The following HYDIN variants were observed in gnomAD, a reference collection of about 807,000 sequenced individuals.
HYDIN encodes the protein HYDIN axonemal central pair apparatus protein.
Under a neutral mutation model 403.9 loss-of-function variants are expected in HYDIN, and 132 were observed. That is an observed-to-expected ratio of 0.33 (90% CI 0.28 to 0.38). The LOEUF is 0.38. HYDIN is among the 10% of genes least tolerant of loss of function. HYDIN has a pLI of 1.00. For synonymous variants in HYDIN, 1,202 were observed against 1,891.7 expected (o/e 0.64, Z 9.46); for missense variants, 2,827 against 5,009.5 (o/e 0.56, Z 13.15).
chr16:70,863,205 A>G (rs2039520272), intron 67 of HYDIN, 23 bp from the exon 68 acceptor site: 1 of 1,607,696 alleles, frequency 6.2e-7, no homozygotes, highest in South Asian at 1.1e-5. Context: ...CAGGGAGCAG[A>G]TTTGAGAAAT....
chr16:70,950,715 A>C (rs2078039248), intron 41 of HYDIN, among the ~76,000 whole-genome samples: 1 of 150,874 alleles, frequency 6.6e-6, no homozygotes, highest in East Asian at 1.9e-4. Flanking sequence ...CACCTCCCCC[A>C]CTGTCCCTAT....
At chr16:70,970,957 G>C (rs2078714987) in intron 35 of HYDIN, among the ~76,000 whole-genome samples, 198 bp from the exon 36 acceptor site, 1 of 152,186 alleles carries the variant, frequency 6.6e-6, no homozygotes, top group Admixed American at 6.5e-5. Flanking sequence ...TGTACCAAGT[G>C]CTAGATATCA....
At chr16:70,981,174 T>C (rs2079033934) in intron 29 of HYDIN, among the ~76,000 whole-genome samples, 1 of 152,124 alleles carries the variant, frequency 6.6e-6, no homozygotes, top group Non-Finnish European at 1.5e-5. Context: ...AATTCAATAA[T>C]GGCCAAATTG....
intron 11 of HYDIN, among the ~76,000 whole-genome samples, chr16:71,089,535 C>T (rs943376334): frequency 4.6e-5 from 7 of 152,154 alleles, no homozygotes; most frequent in South Asian, 2.1e-4. Context: ...GTGTCAGGAA[C>T]GCGGAAGCTG....
chr16:71,011,209 G>C (rs1327754483), intron 23 of HYDIN, among the ~76,000 whole-genome samples: 1 of 152,020 alleles, frequency 6.6e-6, no homozygotes, highest in Non-Finnish European at 1.5e-5. Flanking sequence ...GGGAGTGCTT[G>C]GCATGTCTCA....
At chr16:71,108,407 C>T (rs1310175663) in intron 10 of HYDIN, among the ~76,000 whole-genome samples, 1 of 151,872 alleles carries the variant, frequency 6.6e-6, no homozygotes, top group Non-Finnish European at 1.5e-5. Context: ...GGGGAGGCTG[C>T]AGTGAGAGGA....
intron 10 of HYDIN, among the ~76,000 whole-genome samples, chr16:71,102,433 T>C (rs1011118232): frequency 3.3e-5 from 5 of 152,128 alleles, no homozygotes; most frequent in Admixed American, 2.0e-4. Context: ...GTTTATTATA[T>C]GGGTATTTCT....
At chr16:71,026,940 C>A (rs1426367472) in intron 20 of HYDIN, among the ~76,000 whole-genome samples, 4 of 152,118 alleles carry the variant, frequency 2.6e-5, no homozygotes, top group Non-Finnish European at 5.9e-5. Flanking sequence ...TGCATTTTGT[C>A]GGGAGGGAGA....
chr16:71,071,695 G>A (rs1264982534), intron 13 of HYDIN, among the ~76,000 whole-genome samples: 1 of 151,902 alleles, frequency 6.6e-6, no homozygotes, highest in Non-Finnish European at 1.5e-5. Context: ...GCAGAAACTA[G>A]CAGCGGAAGA....
intron 72 of HYDIN, 105 bp from the exon 73 acceptor site, chr16:70,855,380 C>T: frequency 1.6e-6 from 1 of 632,906 alleles, no homozygotes; most frequent in Non-Finnish European, 2.8e-6. Flanking sequence ...CATTCCCCAA[C>T]CTCTTCCGCC....
At chr16:71,133,328 T>C in intron 8 of HYDIN, 1 of 454,388 alleles carries the variant, frequency 2.2e-6, no homozygotes, top group Non-Finnish European at 4.4e-6. Flanking sequence ...AGTTAGCAAC[T>C]CTGTGATCAA....
chr16:71,150,731 C>T (rs2085504629), intron 7 of HYDIN, among the ~76,000 whole-genome samples: 1 of 152,084 alleles, frequency 6.6e-6, no homozygotes, highest in African/African-American at 2.4e-5. Flanking sequence ...AATTCAAACT[C>T]GCTGCTTATT....
chr16:71,079,988 G>C, intron 12 of HYDIN, 36 bp from the exon 13 acceptor site: 1 of 701,630 alleles, frequency 1.4e-6, no homozygotes, highest in African/African-American at 1.8e-5. Context: ...GAGAGGGAGA[G>C]AATCCAGTGA....
In HYDIN at chr16:70,938,744, T is replaced by C; in HGVS notation, c.6865A>G (p.Lys2289Glu). 1.2e-6 allele frequency: 2 copies of C among 1,614,158 alleles called. No homozygotes were observed. Among genetic ancestry groups the C allele is most frequent in the Non-Finnish European group, 1.7e-6 (2 of 1,180,036 alleles). Residue 2289 changes from lysine to glutamate, a missense_variant, in exon 44 of 86, where the codon AAG becomes GAG. By Grantham distance (56) the Lys-to-Glu change is moderately conservative. Transcript: ENST00000393567. Reference sequence around the variant, plus strand: ...TCCTTCTCTTTCTCAAGAGCTCCCTTGTGCTTGCGTTCTGTGAGGGGAACA... The same window carrying C: ...TCCTTCTCTTTCTCAAGAGCTCCCTCGTGCTTGCGTTCTGTGAGGGGAACA... Reference protein sequence around the residue: ...AKKEQEERKHKGALEKEKERL... With the variant: ...AKKEQEERKHEGALEKEKERL...
chr16:71,054,212 T>C (rs2081779445), intron 18 of HYDIN, among the ~76,000 whole-genome samples: 1 of 152,278 alleles, frequency 6.6e-6, no homozygotes, highest in Non-Finnish European at 1.5e-5. Flanking sequence ...GTAAAACCCA[T>C]CAGAAACAAA....
In HYDIN at chr16:70,908,309, T is replaced by C; in HGVS notation, c.8339A>G (p.Gln2780Arg). The C allele has an allele frequency of 1.4e-6, 2 of 1,397,000 alleles. No homozygotes were observed. Among genetic ancestry groups the C allele is most frequent in the East Asian group, 2.3e-5 (1 of 43,262 alleles). 86.5% of individuals were successfully genotyped at this position (1,397,000 alleles called of 1,614,324 possible). A position where few individuals can be genotyped will look rare whatever the true frequency, so the allele number is the denominator to read the frequency against. The change falls in exon 49 of 86, where the codon CAG becomes CGG. Residue 2780 changes from glutamine to arginine, a missense_variant. Coordinates refer to ENST00000393567, the MANE Select transcript of HYDIN (RefSeq NM_001270974.2). ...FNFEILGTCC[Q>R]YQLYCRGICT... Reference sequence around the variant, plus strand: ...GATGCCTCGGCAGTAGAGCTGGTACTGGCAGCAAGTTCCTAGGATCTCAAA... The same window carrying C: ...GATGCCTCGGCAGTAGAGCTGGTACCGGCAGCAAGTTCCTAGGATCTCAAA...
At chr16:71,018,650 A>C (rs1219900252) in intron 22 of HYDIN, among the ~76,000 whole-genome samples, 1 of 151,256 alleles carries the variant, frequency 6.6e-6, no homozygotes, top group Non-Finnish European at 1.5e-5. Flanking sequence ...CAGCTAGTAC[A>C]TCTAAGTATA....
At chr16:71,179,525 T>C (rs2086817011) in intron 3 of HYDIN, among the ~76,000 whole-genome samples, 1 of 152,226 alleles carries the variant, frequency 6.6e-6, no homozygotes, top group Non-Finnish European at 1.5e-5. Flanking sequence ...AGTTCAGAGA[T>C]GCAGGAAGGA....
intron 80 of HYDIN, among the ~76,000 whole-genome samples, chr16:70,831,457 C>T (rs753365827): frequency 7.3e-6 from 1 of 137,514 alleles, no homozygotes; most frequent in Non-Finnish European, 1.5e-5. Flanking sequence ...TGCAGTGAGC[C>T]GAGATCATGC....
Sources: gnomAD v4.1 joint callset for allele counts (sites outside exome capture counted in the v4.1 genomes callset) on GRCh38, gnomAD v4.1.1 for gene constraint, MANE v1.5 for transcripts, NCBI Gene and HGNC (gene_info 2026-07-23, HGNC 2026-07-21) for gene names.